Variants in CSMD1 observed in about 807,000 individuals in gnomAD.
CSMD1 encodes the protein CUB and Sushi multiple domains 1.
A neutral mutation model predicts 417.5 loss-of-function variants in CSMD1; 213 were observed. The ratio of observed to expected loss-of-function variants is 0.51; its 90% CI spans 0.46 to 0.57. CSMD1 has a LOEUF of 0.57. CSMD1 is among the 20% of genes least tolerant of loss of function. The pLI, the probability that CSMD1 is intolerant of heterozygous loss-of-function variation, is 0.00. For missense variants in CSMD1, 6,923 were observed against 4,529.7 expected (o/e 1.53, Z -15.17); for synonymous variants, 2,862 against 1,736.8 (o/e 1.65, Z -16.11).
At chr8:4,349,156 G>T (rs1184883332) in intron 3 of CSMD1, among the ~76,000 whole-genome samples, 1 of 152,334 alleles carries the variant, frequency 6.6e-6, no homozygotes, top group East Asian at 1.9e-4. Context: ...GCTTGCATAT[G>T]TGCTTTTGGT....
At chr8:3,926,106 C>CCATATAT (rs772372080) in intron 5 of CSMD1, among the ~76,000 whole-genome samples, 2 of 51,104 alleles carry the variant, frequency 3.9e-5, no homozygotes, top group African/African-American at 1.6e-4. Flanking sequence ...CACACACACA[C>CCATATAT]ACACACACAC....
chr8:4,080,947 T>C (rs1318132890), intron 3 of CSMD1, among the ~76,000 whole-genome samples: 1 of 152,172 alleles, frequency 6.6e-6, no homozygotes, highest in African/African-American at 2.4e-5. Context: ...CTGGGGACTC[T>C]ACCCTCCTGA....
Position 3,262,804 on chromosome 8 carries a change from C to T in CSMD1, c.4153+21340G>A, listed in dbSNP as rs565653004. ...TTATAAAAACATGCCATAATGTATA[C>T]CTATTAAACATAAGTAAATGAATTC... On this transcript the variant is annotated intron_variant, in intron 26 of 69. Coordinates refer to ENST00000635120, the MANE Select transcript of CSMD1 (RefSeq NM_033225.6). Among the ~76,000 whole-genome samples the T allele has an allele frequency of 4.6e-4, 70 of 152,114 alleles. 2 individuals carry two copies. In the South Asian group the frequency reaches 0.014, roughly 31 times the overall value.
At chr8:2,990,531 T>G (rs985418783) in intron 54 of CSMD1, among the ~76,000 whole-genome samples, 1 of 152,124 alleles carries the variant, frequency 6.6e-6, no homozygotes, top group African/African-American at 2.4e-5. Context: ...TAATCCTATA[T>G]AGACTATACG....
chr8:4,149,641 A>C (rs1187549539), intron 3 of CSMD1, among the ~76,000 whole-genome samples: 1 of 152,204 alleles, frequency 6.6e-6, no homozygotes, highest in Non-Finnish European at 1.5e-5. Context: ...TCCTAGCTCA[A>C]CACCTACAGA....
At chr8:4,073,897 A>C (rs1015506257) in intron 3 of CSMD1, among the ~76,000 whole-genome samples, 6 of 152,086 alleles carry the variant, frequency 3.9e-5, no homozygotes, top group African/African-American at 1.4e-4. Flanking sequence ...ACAGCTATAC[A>C]AATATTTCAA....
chr8:4,437,168 A>G (rs954179185), intron 2 of CSMD1, among the ~76,000 whole-genome samples: 1 of 152,246 alleles, frequency 6.6e-6, no homozygotes, highest in African/African-American at 2.4e-5. Context: ...CAATCCAACA[A>G]AACAAAGCAA....
chr8:4,234,747 T>G (rs541924336), intron 3 of CSMD1, among the ~76,000 whole-genome samples: 3 of 152,254 alleles, frequency 2.0e-5, no homozygotes, highest in Admixed American at 6.5e-5. Flanking sequence ...ACTGGAGTCG[T>G]GGCTGCTCCC....
At chr8:3,537,460 T>A (rs781758760) in intron 10 of CSMD1, among the ~76,000 whole-genome samples, 4 of 152,204 alleles carry the variant, frequency 2.6e-5, no homozygotes, top group Admixed American at 6.5e-5. Flanking sequence ...AATTGTAACA[T>A]AATAAAATAT....
chr8:2,973,843 T>C lies in CSMD1; in HGVS notation c.8741-544A>G, dbSNP rs527818891. Among the ~76,000 whole-genome samples the C allele has an allele frequency of 2.0e-5, 3 of 151,096 alleles. No individual in the cohort carries two copies. In the East Asian group the frequency reaches 5.8e-4, roughly 29 times the overall value. ...GGTAGAGGATGATGGTAGAGGATGA[T>C]GGTAGAGGATGATGGTAGAGGATGG... On this transcript the variant is annotated intron_variant, in intron 56 of 69. Transcript: ENST00000635120.
intron 31 of CSMD1, among the ~76,000 whole-genome samples, chr8:3,202,335 C>T (rs1306231562): frequency 6.6e-6 from 1 of 151,870 alleles, no homozygotes; most frequent in Admixed American, 6.6e-5. Flanking sequence ...AATACGTTGC[C>T]GTATTCATAC....
At chr8:3,647,579 A>G (rs1450226153) in intron 7 of CSMD1, among the ~76,000 whole-genome samples, 1 of 152,220 alleles carries the variant, frequency 6.6e-6, no homozygotes, top group Non-Finnish European at 1.5e-5. Context: ...CGGCATAAAG[A>G]AAAACACAGC....
rs76642695 is a variant in CSMD1 at position 3,792,689 on chromosome 8, T to C, written c.819-38647A>G. Among the ~76,000 whole-genome samples, 1,482 of 152,322 alleles carry C rather than the reference T, an allele frequency of 9.7e-3. 13 individuals are homozygous for C. The highest frequency in any genetic ancestry group is 0.016 in the Non-Finnish European group (1,102 of 68,026). On this transcript the variant is annotated intron_variant, in intron 5 of 69. Transcript: ENST00000635120. ...AAACAGAGACCGCAATCATGAAATC[T>C]TTTCTAAAATTGACACAGTCAAGTT...
intron 5 of CSMD1, among the ~76,000 whole-genome samples, chr8:3,956,255 A>C (rs1024579635): frequency 2.6e-5 from 4 of 152,238 alleles, no homozygotes; most frequent in African/African-American, 9.6e-5. Flanking sequence ...TCACAAATTA[A>C]TACATTTGAC....
At chr8:4,397,319 G>A (rs755958047) in intron 3 of CSMD1, among the ~76,000 whole-genome samples, 11 of 152,036 alleles carry the variant, frequency 7.2e-5, no homozygotes, top group Admixed American at 2.0e-4. Flanking sequence ...AAATGTATAA[G>A]CATATTCAAC....
intron 2 of CSMD1, among the ~76,000 whole-genome samples, chr8:4,623,503 T>C (rs1442883957): frequency 6.6e-6 from 1 of 152,092 alleles, no homozygotes; most frequent in Non-Finnish European, 1.5e-5. Flanking sequence ...AATTAAACTA[T>C]TTTCCCCACA....
intron 18 of CSMD1, among the ~76,000 whole-genome samples, chr8:3,375,816 A>G (rs1221488040): frequency 1.3e-5 from 2 of 152,082 alleles, no homozygotes; most frequent in Non-Finnish European, 2.9e-5. Flanking sequence ...GAGGCATTTG[A>G]TCATCATCTA....
chr8:3,973,401 G>A (rs765162764), intron 5 of CSMD1, among the ~76,000 whole-genome samples: 1 of 152,180 alleles, frequency 6.6e-6, no homozygotes, highest in Non-Finnish European at 1.5e-5. Flanking sequence ...GTTGTCACCT[G>A]TCACACCCTA....
chr8:4,377,091 C>T (rs966370697), intron 3 of CSMD1, among the ~76,000 whole-genome samples: 4 of 152,120 alleles, frequency 2.6e-5, no homozygotes, highest in Non-Finnish European at 4.4e-5. Flanking sequence ...ACATTTCATT[C>T]CTCTTTCTTC....
Sources: allele counts gnomAD v4.1 joint callset (sites outside exome capture counted in the v4.1 genomes callset), GRCh38; gene constraint gnomAD v4.1.1; transcripts MANE v1.5; gene names NCBI Gene and HGNC (gene_info 2026-07-23, HGNC 2026-07-21).